Variants in TNK2 observed in about 807,000 individuals in gnomAD.
TNK2 encodes the protein activated CDC42 kinase 1.
Under a neutral mutation model 101.8 loss-of-function variants are expected in TNK2, and 83 were observed. That is an observed-to-expected ratio of 0.82 (90% CI 0.68 to 0.98). TNK2 has a LOEUF of 0.98. Among genes scored for constraint, TNK2 ranks in the 50% least tolerant of loss-of-function variants. TNK2 has a pLI of 0.00. For synonymous variants in TNK2, 804 were observed against 633.0 expected (o/e 1.27, Z -4.06); for missense variants, 1,665 against 1,483.2 (o/e 1.12, Z -2.01).
Position 195,864,166 on chromosome 3 carries a change from C to A in TNK2, c.*15G>T, listed in dbSNP as rs938554853. ...TGATTCCTTCAGGCAGGCCCTCTGG[C>A]TCTCCAGACGCATCTCAGCGCCTAG... On this transcript the variant is annotated 3_prime_UTR_variant, in exon 16 of 16. Coordinates refer to ENST00000672887, the MANE Select transcript of TNK2 (RefSeq NM_001382273.1). 1.2e-6 allele frequency: 2 copies of A among 1,613,854 alleles called. No individual in the cohort carries two copies. The highest frequency in any genetic ancestry group is 1.1e-5 in the South Asian group (1 of 91,086).
intron 10 of TNK2, among the ~76,000 whole-genome samples, chr3:195,870,885 G>GGGGTTCCAGTGTGTGTGGGCCCGCTGTGT (rs1744649289): frequency 6.6e-6 from 1 of 152,026 alleles, no homozygotes; most frequent in Non-Finnish European, 1.5e-5. Flanking sequence ...CTGTGAGCTT[G>GGGGTTCCAGTGTGTGTGGGCCCGCTGTGT]GGGTTCCAGT....
chr3:195,905,300 T>C (rs578028529), intron 1 of TNK2, among the ~76,000 whole-genome samples: 5 of 152,074 alleles, frequency 3.3e-5, no homozygotes, highest in Non-Finnish European at 7.4e-5. Context: ...CCCGGGTTCA[T>C]GCGATTCTCC....
chr3:195,903,483 G>A (rs1426542681), intron 1 of TNK2, among the ~76,000 whole-genome samples: 1 of 152,148 alleles, frequency 6.6e-6, no homozygotes, highest in South Asian at 2.1e-4. Flanking sequence ...TTGGCAGGCC[G>A]AGGCGGGCAG....
chr3:195,871,968 CT>C (rs112823008), intron 10 of TNK2, among the ~76,000 whole-genome samples: 37 of 145,132 alleles, frequency 2.5e-4, no homozygotes, highest in African/African-American at 8.0e-4. Context: ...GAACCCTCCC[CT>C]GGAGAACCCT....
rs1221654529 is a variant in TNK2 at position 195,882,777 on chromosome 3, G to A, written c.609+380C>T. Among the ~76,000 whole-genome samples the A allele has an allele frequency of 2.6e-5, 4 of 152,182 alleles. No individual in the cohort carries two copies. Among genetic ancestry groups the A allele is most frequent in the Non-Finnish European group, 5.9e-5 (4 of 68,032 alleles). On this transcript the variant is annotated intron_variant, in intron 5 of 15. Coordinates refer to ENST00000672887, the MANE Select transcript of TNK2 (RefSeq NM_001382273.1). This position sits in a 1 kb window ranked among gnomAD's most constrained non-coding sequence, Gnocchi z 4.2. ...GAAGCCTGAGGCAGGAATATCGCGT[G>A]AACCCAGGAGGCCGAGGTTGCAGTG...
At chr3:195,868,848 C>T in intron 12 of TNK2, 139 bp from the exon 13 acceptor site, 1 of 1,026,070 alleles carries the variant, frequency 9.7e-7, no homozygotes, top group Non-Finnish European at 1.4e-6. Flanking sequence ...CTGAGGTCAG[C>T]CACCGGCGGC....
Position 195,868,690 on chromosome 3 carries a change from C to T in TNK2, c.1608G>A (p.Val536=). 1 of 1,589,398 alleles carries T rather than the reference C, an allele frequency of 6.3e-7. No homozygotes were observed. The highest frequency in any genetic ancestry group is 8.5e-7 in the Non-Finnish European group (1 of 1,176,244). The change falls in exon 13 of 16, where the codon GTG becomes GTA. Residue 536 remains valine, a synonymous_variant. Transcript: ENST00000672887. ...FFTQKPTYDP[V]SEDQDPLSSD... is the part of the protein sequence containing the mutation. Reference sequence around the variant, plus strand: ...TGGACAAGGGGTCTTGGTCCTCGCTCACAGGGTCATAGGTTGGTTCTGTGA... The same window carrying T: ...TGGACAAGGGGTCTTGGTCCTCGCTTACAGGGTCATAGGTTGGTTCTGTGA...
In TNK2 at chr3:195,882,561, G is replaced by GA; in HGVS notation, c.610-234dup. 6.6e-7 allele frequency: 1 copy of GA among 1,517,428 alleles called. No individual in the cohort carries two copies. Among genetic ancestry groups the GA allele is most frequent in the Non-Finnish European group, 8.8e-7 (1 of 1,135,146 alleles). 94.0% of individuals were successfully genotyped at this position (1,517,428 alleles called of 1,614,324 possible). ...AAGGAGCCCAAAGAGGCAGTGGCTA[G>GA]AAATTCCAAAACTCAGCTGGACGTG... is the stretch of plus-strand genomic sequence containing the variant. On this transcript the variant is annotated intron_variant, in intron 5 of 15. Coordinates refer to ENST00000672887, the MANE Select transcript of TNK2 (RefSeq NM_001382273.1). This position sits in a 1 kb window ranked among gnomAD's most constrained non-coding sequence, Gnocchi z 4.2.
chr3:195,883,208 G>A lies in TNK2; in HGVS notation c.558C>T (p.His186=), dbSNP rs1754008834. ...REVNAMHSLD[H]RNLIRLYGVV... is the part of the protein sequence containing the mutation. Reference sequence around the variant, plus strand: ...CCCCGTAGAGGCGGATGAGGTTTCGGTGGTCGAGCGAGTGCATGGCATTGA... The same window carrying A: ...CCCCGTAGAGGCGGATGAGGTTTCGATGGTCGAGCGAGTGCATGGCATTGA... The change falls in exon 5 of 16, where the codon CAC becomes CAT. Residue 186 remains histidine, a synonymous_variant. Coordinates refer to ENST00000672887, the MANE Select transcript of TNK2 (RefSeq NM_001382273.1). The A allele has an allele frequency of 2.5e-6, 4 of 1,610,790 alleles. No individual in the cohort carries two copies. Among genetic ancestry groups the A allele is most frequent in the East Asian group, 2.2e-5 (1 of 44,886 alleles).
chr3:195,873,052 G>A (rs772219259), intron 9 of TNK2, among the ~76,000 whole-genome samples: 15 of 152,120 alleles, frequency 9.9e-5, no homozygotes, highest in Non-Finnish European at 1.9e-4. Flanking sequence ...GAGCACTCGG[G>A]CAACTCAGTC....
chr3:195,892,726 G>A lies in TNK2; in HGVS notation c.-18-4120C>T, dbSNP rs965847911. The A allele has an allele frequency of 3.6e-6, 5 of 1,375,646 alleles. No homozygotes were observed. In the African/African-American group the frequency reaches 7.4e-5, roughly 20 times the overall value. 85.2% of individuals were successfully genotyped at this position (1,375,646 alleles called of 1,614,324 possible). A position where few individuals can be genotyped will look rare whatever the true frequency, so the allele number is the denominator to read the frequency against. On this transcript the variant is annotated intron_variant, in intron 1 of 15. Transcript: ENST00000672887. The stretch of plus-strand genomic sequence containing the variant: ...AGCCGGGATCCTCTGTCCTGTTTCT[G>A]TCTTCTCTCCAGGGCAGTGGTCACA...
chr3:195,877,386 C>A (rs978680778), intron 9 of TNK2, among the ~76,000 whole-genome samples: 1 of 152,180 alleles, frequency 6.6e-6, no homozygotes, highest in Non-Finnish European at 1.5e-5. Context: ...CCACCCACCC[C>A]CAAGAGGCAC....
In TNK2 at chr3:195,878,292, T is replaced by G; in HGVS notation, c.1217A>C (p.His406Pro). 1.2e-6 allele frequency: 2 copies of G among 1,613,992 alleles called. No individual in the cohort carries two copies. The highest frequency in any genetic ancestry group is 1.7e-6 in the Non-Finnish European group (2 of 1,179,978). ...GGTGATGACATCATTCATCTGGATG[T>G]GCAGCTTGTCCGGTTCCTCAAAGTC... ...LQDFEEPDKL[H>P]IQMNDVITVI... Residue 406 changes from histidine to proline, a missense_variant, in exon 9 of 16, where the codon CAC becomes CCC. Coordinates refer to ENST00000672887, the MANE Select transcript of TNK2 (RefSeq NM_001382273.1). The surrounding 1 kb of genome is among the most constrained non-coding windows in gnomAD (Gnocchi z 4.7).
Position 195,867,255 on chromosome 3 carries a change from TG to T in TNK2, c.2946del (p.Met983TrpfsTer5), listed in dbSNP as rs745954280. On this transcript the variant is annotated frameshift_variant, in exon 14 of 16. Coordinates refer to ENST00000672887, the MANE Select transcript of TNK2 (RefSeq NM_001382273.1). LOFTEE classifies it high-confidence loss of function. ...TCCTCTGTGGTCACCCCATGCACCATGGCCTGCAGCTGGGCACACCCACCCC... is the reference window on the plus strand; with the variant it reads ...TCCTCTGTGGTCACCCCATGCACCATGCCTGCAGCTGGGCACACCCACCCC... Reference protein sequence around the residue: ...RPADKIQMLQAMVHGVTTEEC... With the variant: ...RPADKIQMLQXMVHGVTTEEC... 3.7e-6 allele frequency: 6 copies of T among 1,612,322 alleles called. No individual in the cohort carries two copies. The highest frequency in any genetic ancestry group is 5.1e-6 in the Non-Finnish European group (6 of 1,179,662).
chr3:195,871,528 C>CAGGGTCACAGGGTCACAG (rs1745310128), intron 10 of TNK2, among the ~76,000 whole-genome samples: 1 of 151,754 alleles, frequency 6.6e-6, no homozygotes, highest in African/African-American at 2.4e-5. Context: ...GCAGGGGTCA[C>CAGGGTCACAGGGTCACAG]AGGGTCACAG....
intron 1 of TNK2, chr3:195,895,234 C>A (rs945306795): frequency 7.2e-6 from 11 of 1,532,254 alleles, no homozygotes; most frequent in African/African-American, 2.9e-5. Context: ...ATCCCCTAGC[C>A]TTCCCCATTA....
chr3:195,903,274 T>C (rs1761404309), intron 1 of TNK2, among the ~76,000 whole-genome samples: 1 of 129,042 alleles, frequency 7.7e-6, no homozygotes, highest in Non-Finnish European at 1.6e-5. Flanking sequence ...TCTCCTGACC[T>C]CGTGATCTGC....
rs1421450104 is a variant in TNK2 at position 195,868,333 on chromosome 3, C to T, written c.1965G>A (p.Gln655=). The T allele has an allele frequency of 3.1e-6, 5 of 1,602,346 alleles. No homozygotes were observed. The Middle Eastern group carries it at 5.0e-4, about 159-fold the overall frequency. The part of the protein sequence containing the change: ...PPPPAYDDVA[Q]DEDDFEICSI... ...AGCAGATCTCAAAGTCATCCTCATC[C>T]TGGGCCACGTCGTCATAGGCGGGCG... The change falls in exon 13 of 16, where the codon CAG becomes CAA. Residue 655 remains glutamine (Q), a synonymous_variant. Transcript: ENST00000672887.
At chr3:195,892,566 G>A (rs1351432364) in intron 1 of TNK2, 6 of 1,495,470 alleles carry the variant, frequency 4.0e-6, no homozygotes, top group Non-Finnish European at 4.4e-6. Flanking sequence ...CTCTGCCCAG[G>A]AGCCCCCCAA....
Sources: gnomAD v4.1 joint callset for allele counts (sites outside exome capture counted in the v4.1 genomes callset) on GRCh38, gnomAD v4.1.1 for gene constraint, Gnocchi (gnomAD v3.1) non-coding constraint, MANE v1.5 for transcripts, NCBI Gene and HGNC (gene_info 2026-07-23, HGNC 2026-07-21) for gene names.